Variants in CCDC88C observed in about 807,000 individuals in gnomAD.
CCDC88C encodes coiled-coil and HOOK domain protein 88C, also known as protein Daple.
Under a neutral mutation model 198.8 loss-of-function variants are expected in CCDC88C, and 131 were observed. That is an observed-to-expected ratio of 0.66 (90% confidence interval 0.57 to 0.76). The LOEUF (loss-of-function observed/expected upper bound fraction) is 0.76, where lower values mean the gene tolerates loss of function less well. Ranked by LOEUF, CCDC88C falls within the 30% of genes least tolerant of loss-of-function variation. The probability of loss-of-function intolerance (pLI) is 0.00; values close to 1 mark genes in which losing one functional copy is unlikely to be tolerated. For missense variants in CCDC88C, 2,553 were observed against 2,631.6 expected (o/e 0.97, Z 0.65); for synonymous variants, 1,166 against 1,114.7 (o/e 1.05, Z -0.92).
intron 25 of CCDC88C, among the ~76,000 whole-genome samples, chr14:91,287,483 GCCA>G (rs1210016633): frequency 2.0e-5 from 3 of 152,040 alleles, no homozygotes; most frequent in African/African-American, 7.2e-5. Flanking sequence ...ACAGGTACGT[GCCA>G]CCACACCTGG....
intron 3 of CCDC88C, among the ~76,000 whole-genome samples, chr14:91,385,673 C>A (rs1054835345): frequency 6.6e-5 from 10 of 152,090 alleles, no homozygotes; most frequent in African/African-American, 2.4e-4. Context: ...GTTTTAAAAG[C>A]CTGCTTTTGA....
chr14:91,289,193 G>C lies in CCDC88C; in HGVS notation c.4353C>G (p.Leu1451=), dbSNP rs749477658. ...TGTCGGGGTTCTCGGCCTGTGATCTGAGCGGCTGAGAGGCCGCCGGCGAGG... is the reference window on the plus strand; with the variant it reads ...TGTCGGGGTTCTCGGCCTGTGATCTCAGCGGCTGAGAGGCCGCCGGCGAGG... ...DPASPAASQP[L]RSQAENPDTP... The change falls in exon 25 of 30, where the codon CTC becomes CTG. Residue 1451 remains leucine (L), a synonymous_variant. Transcript: ENST00000389857. The C allele has an allele frequency of 6.2e-7, 1 of 1,613,936 alleles. No homozygotes were observed. The highest frequency in any genetic ancestry group is 1.1e-5 in the South Asian group (1 of 91,074).
intron 2 of CCDC88C, among the ~76,000 whole-genome samples, 194 bp downstream of exon 2, chr14:91,416,544 C>T (rs908025080): frequency 6.6e-6 from 1 of 152,144 alleles, no homozygotes; most frequent in Non-Finnish European, 1.5e-5. Flanking sequence ...AACTGCCAGA[C>T]CCACTGTCCT....
At chr14:91,375,067 C>CT (rs1191122014) in intron 3 of CCDC88C, among the ~76,000 whole-genome samples, 2 of 152,208 alleles carry the variant, frequency 1.3e-5, no homozygotes, top group Admixed American at 6.5e-5. Context: ...AAGCTACAGA[C>CT]TGAGTTTCCT....
chr14:91,344,580 C>T (rs973975622), intron 4 of CCDC88C, among the ~76,000 whole-genome samples: 7 of 150,982 alleles, frequency 4.6e-5, no homozygotes, highest in East Asian at 1.9e-4. Context: ...GGTGCAATCT[C>T]GGCTCACTGC....
At position 91,330,480 on chromosome 14, in the gene CCDC88C, G is replaced by A. The variant is rs552478076; in HGVS notation, c.1051-4424C>T. 1.2e-4 allele frequency among the ~76,000 whole-genome samples: 18 copies of A among 152,284 alleles called. 1 individual carries two copies. The South Asian group carries it at 3.7e-3, about 32-fold the overall frequency. On this transcript the variant is annotated intron_variant, in intron 10 of 29. Transcript: ENST00000389857. Reference sequence around the variant, plus strand: ...ACTGGCCAGTCCAGACCATTAGGGAGGCACTCCGCAGGCAGACTCTGGAGT... The same window carrying A: ...ACTGGCCAGTCCAGACCATTAGGGAAGCACTCCGCAGGCAGACTCTGGAGT...
intron 27 of CCDC88C, 59 bp downstream of exon 27, chr14:91,281,398 C>T (rs555107791): frequency 8.7e-6 from 14 of 1,611,978 alleles, no homozygotes; most frequent in Middle Eastern, 1.6e-4. Context: ...GGAAAGGTAC[C>T]GTGGATAAAA....
chr14:91,355,884 G>GTTGGGAT (rs1353971871), intron 4 of CCDC88C, among the ~76,000 whole-genome samples: 1 of 152,130 alleles, frequency 6.6e-6, no homozygotes, highest in African/African-American at 2.4e-5. Context: ...CAGATGCTCT[G>GTTGGGAT]TTGGGATCTG....
At chr14:91,281,347 C>T in intron 27 of CCDC88C, 110 bp downstream of exon 27, 4 of 1,569,910 alleles carry the variant, frequency 2.5e-6, no homozygotes, top group Non-Finnish European at 3.5e-6. Flanking sequence ...CCATTTCCAC[C>T]TTCATTTGGT....
chr14:91,412,440 C>T (rs1164628486), intron 2 of CCDC88C, among the ~76,000 whole-genome samples: 1 of 138,638 alleles, frequency 7.2e-6, no homozygotes, highest in African/African-American at 2.7e-5. Flanking sequence ...GTATTTTTTT[C>T]TTTTTTTTTT....
chr14:91,289,111 C>T lies in CCDC88C; in HGVS notation c.4435G>A (p.Gly1479Arg). The change falls in exon 25 of 30, where the codon GGG becomes AGG. Residue 1479 changes from glycine (G) to arginine (R), a missense_variant. Around this residue, in one of 2 missense-constraint regions of CCDC88C, gnomAD observed 1,293 missense variants for 1,219.6 expected, o/e 1.06. Coordinates refer to ENST00000389857, the MANE Select transcript of CCDC88C (RefSeq NM_001080414.4). ...CCAGGACGGCCGCCCCTACCTTTCCCCACAGACCCGTTGTGGGCGTCGCGC... is the reference window on the plus strand; with the variant it reads ...CCAGGACGGCCGCCCCTACCTTTCCTCACAGACCCGTTGTGGGCGTCGCGC... ...EERDAHNGSV[G>R]KGPGDLKPKR... The T allele has an allele frequency of 1.2e-6, 2 of 1,611,954 alleles. No individual in the cohort carries two copies. Among genetic ancestry groups the T allele is most frequent in the South Asian group, 1.1e-5 (1 of 91,040 alleles).
At chr14:91,400,015 T>C (rs1276017904) in intron 3 of CCDC88C, among the ~76,000 whole-genome samples, 3 of 151,496 alleles carry the variant, frequency 2.0e-5, no homozygotes, top group Admixed American at 6.6e-5. Context: ...TCCCTGCCAG[T>C]CAACCCCACC....
intron 10 of CCDC88C, among the ~76,000 whole-genome samples, chr14:91,337,440 A>C (rs1297568498): frequency 1.3e-5 from 2 of 152,234 alleles, no homozygotes; most frequent in Non-Finnish European, 2.9e-5. Context: ...CCCAGGTTCA[A>C]GCAATCCTCC....
Position 91,297,346 on chromosome 14 carries a change from T to C in CCDC88C, c.3925A>G (p.Thr1309Ala), listed in dbSNP as rs751469990. ...AGCTTGGTCAGCGAGATGTCCATGG[T>C]CTGGTGCTGCTCCTTCAGCTCGTCG... ...RFDELKEQHQTMDISLTKLDN... is the reference protein window; with the variant it reads ...RFDELKEQHQAMDISLTKLDN... Residue 1309 changes from threonine (T) to alanine (A), a missense_variant, in exon 22 of 30, where the codon ACC (threonine) becomes GCC (alanine). By Grantham distance (58) the Thr-to-Ala change is moderately conservative. Around this residue, in one of 2 missense-constraint regions of CCDC88C, gnomAD observed 1,293 missense variants for 1,219.6 expected, o/e 1.06. Transcript: ENST00000389857. 1 of 1,613,758 alleles carries C rather than the reference T, an allele frequency of 6.2e-7. No individual in the cohort carries two copies. Among genetic ancestry groups the C allele is most frequent in the Non-Finnish European group, 8.5e-7 (1 of 1,179,806 alleles).
At chr14:91,351,801 CCA>C (rs979686886) in intron 4 of CCDC88C, among the ~76,000 whole-genome samples, 60 of 152,284 alleles carry the variant, frequency 3.9e-4, no homozygotes, top group African/African-American at 1.4e-3. Flanking sequence ...AGTCCCACCC[CCA>C]CAGATACCCC....
At chr14:91,373,180 G>A (rs1306651036) in intron 3 of CCDC88C, among the ~76,000 whole-genome samples, 1 of 152,180 alleles carries the variant, frequency 6.6e-6, no homozygotes, top group Non-Finnish European at 1.5e-5. Flanking sequence ...ACTGAGCTGG[G>A]ACATCTGCTG....
intron 1 of CCDC88C, 175 bp from the exon 2 acceptor site, chr14:91,417,013 C>T (rs1887096974): frequency 1.5e-6 from 1 of 688,868 alleles, no homozygotes; most frequent in East Asian, 2.7e-5. Context: ...CCTGTCTCCC[C>T]TCCCCGCGCG....
At chr14:91,283,727 C>G (rs914043831) in intron 25 of CCDC88C, 2 of 588,852 alleles carry the variant, frequency 3.4e-6, no homozygotes, top group African/African-American at 1.9e-5. Flanking sequence ...TCAGAGGCCC[C>G]ATGAGGATGG....
At chr14:91,386,391 G>A (rs1885146865) in intron 3 of CCDC88C, among the ~76,000 whole-genome samples, 1 of 152,002 alleles carries the variant, frequency 6.6e-6, no homozygotes, top group South Asian at 2.1e-4. Flanking sequence ...AACCCAGAAG[G>A]CAGAGGTTGC....
Sources: allele counts gnomAD v4.1 joint callset (sites outside exome capture counted in the v4.1 genomes callset), GRCh38; gene constraint gnomAD v4.1.1; regional missense constraint gnomAD v4.1.1; transcripts MANE v1.5; gene names NCBI Gene and HGNC (gene_info 2026-07-23, HGNC 2026-07-21).